Variants in YAP1 observed in about 807,000 individuals in gnomAD.
YAP1 encodes the protein transcriptional coactivator YAP1.
Under a neutral mutation model 56.9 loss-of-function variants are expected in YAP1, and 5 were observed. The ratio of observed to expected loss-of-function variants is 0.09; its 90% CI spans 0.05 to 0.18. YAP1 has a LOEUF of 0.18. YAP1 is among the 10% of genes least tolerant of loss of function. The pLI, the probability that YAP1 is intolerant of heterozygous loss-of-function variation, is 1.00. For missense variants in YAP1, 539 were observed against 651.8 expected (o/e 0.83, Z 1.88); for synonymous variants, 265 against 248.1 (o/e 1.07, Z -0.64).
At chr11:102,120,912 G>A (rs1177688196) in intron 2 of YAP1, among the ~76,000 whole-genome samples, 1 of 152,204 alleles carries the variant, frequency 6.6e-6, no homozygotes, top group Non-Finnish European at 1.5e-5. Context: ...AGGCTTTTGG[G>A]ATAAAAAGTA....
intron 3 of YAP1, among the ~76,000 whole-genome samples, chr11:102,176,132 A>G (rs144580036): frequency 4.6e-5 from 7 of 152,334 alleles, no homozygotes; most frequent in Admixed American, 1.3e-4. Flanking sequence ...CAAATTGCAG[A>G]CCAAAGTATC....
At chr11:102,155,618 C>T (rs978894341) in intron 2 of YAP1, among the ~76,000 whole-genome samples, 3 of 152,186 alleles carry the variant, frequency 2.0e-5, no homozygotes, top group Non-Finnish European at 4.4e-5. Context: ...TTGATGAAGA[C>T]CATTTGCCCA....
intron 4 of YAP1, chr11:102,186,698 G>A (rs1053517196): frequency 2.0e-5 from 3 of 153,196 alleles, no homozygotes; most frequent in Admixed American, 1.3e-4. Flanking sequence ...AACAAAGAAA[G>A]CCATATTCCC....
intron 6 of YAP1, among the ~76,000 whole-genome samples, chr11:102,211,288 T>C (rs564792625): frequency 1.8e-4 from 28 of 152,340 alleles, no homozygotes; most frequent in African/African-American, 6.5e-4. Context: ...TTTACTGTTA[T>C]TAAAATTATC....
chr11:102,120,528 A>G (rs1453117016), intron 2 of YAP1, among the ~76,000 whole-genome samples: 1 of 152,226 alleles, frequency 6.6e-6, no homozygotes, highest in Admixed American at 6.5e-5. Flanking sequence ...ATGTGCTGTC[A>G]CTTTAATTTG....
In YAP1 at chr11:102,223,749, A is replaced by G; in HGVS notation, c.1160A>G (p.Asn387Ser). Residue 387 changes from asparagine to serine, a missense_variant, in exon 7 of 9, where the codon AAC becomes AGC. Asn to Ser is a conservative substitution (Grantham distance 46, BLOSUM62 1). Coordinates refer to ENST00000282441, the MANE Select transcript of YAP1 (RefSeq NM_001130145.3). ...MTTNSSDPFLNSGTYHSRDES... is the reference protein window; with the variant it reads ...MTTNSSDPFLSSGTYHSRDES... Reference sequence around the variant, plus strand: ...ACCAATAGCTCAGATCCTTTCCTTAACAGGTTGGTGAAAGTTGCTACTGGT... The same window carrying G: ...ACCAATAGCTCAGATCCTTTCCTTAGCAGGTTGGTGAAAGTTGCTACTGGT... The G allele has an allele frequency of 1.2e-6, 2 of 1,613,852 alleles. No individual in the cohort carries two copies. The highest frequency in any genetic ancestry group is 1.7e-6 in the Non-Finnish European group (2 of 1,179,914).
chr11:102,112,666 A>T (rs1489320192), intron 1 of YAP1: 1 of 984,840 alleles, frequency 1.0e-6, no homozygotes, highest in African/African-American at 1.8e-5. Flanking sequence ...ACTTAACCTG[A>T]TGACAAAAAC....
chr11:102,169,304 A>G (rs1591302812), intron 3 of YAP1, among the ~76,000 whole-genome samples: 1 of 152,212 alleles, frequency 6.6e-6, no homozygotes, highest in South Asian at 2.1e-4. Context: ...AGTTTGTAAT[A>G]CCTGGTAGCC....
At chr11:102,192,455 A>G (rs752818542) in intron 4 of YAP1, among the ~76,000 whole-genome samples, 1 of 152,222 alleles carries the variant, frequency 6.6e-6, no homozygotes, top group Non-Finnish European at 1.5e-5. Flanking sequence ...AGTAGAGGCT[A>G]GCATCTCTTT....
chr11:102,186,613 A>G (rs2135511271), intron 4 of YAP1: 1 of 153,136 alleles, frequency 6.5e-6, no homozygotes. Flanking sequence ...CACCCCAGAA[A>G]TGGCCCAGTG....
chr11:102,132,566 G>GTA (rs1171300103), intron 2 of YAP1, among the ~76,000 whole-genome samples: 3 of 152,092 alleles, frequency 2.0e-5, no homozygotes, highest in Admixed American at 6.5e-5. Context: ...ATTGTATCCT[G>GTA]TATACATTTT....
intron 4 of YAP1, among the ~76,000 whole-genome samples, chr11:102,198,136 A>G (rs536965359): frequency 6.6e-6 from 1 of 152,328 alleles, no homozygotes; most frequent in Admixed American, 6.5e-5. Context: ...TCATCAGAGT[A>G]TTTCTCTTAC....
intron 2 of YAP1, among the ~76,000 whole-genome samples, chr11:102,149,128 A>T (rs1945486596): frequency 6.6e-6 from 1 of 152,238 alleles, no homozygotes; most frequent in South Asian, 2.1e-4. Context: ...GCAAAACACC[A>T]TACTGGAGGA....
At chr11:102,215,919 T>C (rs1482199312) in intron 6 of YAP1, among the ~76,000 whole-genome samples, 2 of 152,210 alleles carry the variant, frequency 1.3e-5, no homozygotes, top group Non-Finnish European at 2.9e-5. Flanking sequence ...CAGGCCAGCC[T>C]TTTTCTCCCT....
At chr11:102,206,691 A>T (rs1949137324) in intron 5 of YAP1, among the ~76,000 whole-genome samples, 1 of 152,130 alleles carries the variant, frequency 6.6e-6, no homozygotes, top group East Asian at 1.9e-4. Flanking sequence ...AAAAATAAAA[A>T]AATTAGCCAA....
At chr11:102,227,382 A>C (rs1950243788) in intron 7 of YAP1, 87 bp from the exon 8 acceptor site, 5 of 871,470 alleles carry the variant, frequency 5.7e-6, no homozygotes, top group Non-Finnish European at 9.2e-6. Flanking sequence ...TTTGAGAATT[A>C]TGTTGCTGCT....
intron 2 of YAP1, 65 bp from the exon 3 acceptor site, chr11:102,162,391 C>T: frequency 7.1e-7 from 1 of 1,411,950 alleles, no homozygotes; most frequent in Non-Finnish European, 1.0e-6. Flanking sequence ...TATGAGCCCA[C>T]AAGATAAGAA....
chr11:102,175,908 A>G (rs1235779438), intron 3 of YAP1, among the ~76,000 whole-genome samples: 1 of 152,236 alleles, frequency 6.6e-6, no homozygotes, highest in Non-Finnish European at 1.5e-5. Flanking sequence ...GTCATTATGC[A>G]GCAAATTTGT....
intron 2 of YAP1, among the ~76,000 whole-genome samples, chr11:102,126,601 C>T (rs747741543): frequency 3.4e-4 from 52 of 152,146 alleles, no homozygotes; most frequent in Non-Finnish European, 7.1e-4. Flanking sequence ...CCAATTAAAC[C>T]GCTTTTTCTT....
Sources: allele counts gnomAD v4.1 joint callset (sites outside exome capture counted in the v4.1 genomes callset), GRCh38; gene constraint gnomAD v4.1.1; transcripts MANE v1.5; gene names NCBI Gene and HGNC (gene_info 2026-07-23, HGNC 2026-07-21).